Variants in GADL1 observed in about 807,000 individuals in gnomAD.
GADL1 encodes the protein acidic amino acid decarboxylase GADL1.
A neutral mutation model predicts 69.5 loss-of-function variants in GADL1; 71 were observed. The observed-to-expected ratio is 1.02, with a 90% CI of 0.84 to 1.25. The LOEUF is 1.25. Among genes scored for constraint, GADL1 ranks in the 50% most tolerant of loss-of-function variants. The pLI is 0.00. For missense variants in GADL1, 737 were observed against 631.8 expected, an observed-to-expected ratio of 1.17 and a Z score of -1.79; for synonymous variants, 254 against 214.4, an observed-to-expected ratio of 1.18 and a Z score of -1.62.
chr3:30,836,222 T>G (rs1697871307), intron 9 of GADL1, among the ~76,000 whole-genome samples: 1 of 151,982 alleles, frequency 6.6e-6, no homozygotes, highest in Non-Finnish European at 1.5e-5. Context: ...TACTCCTTCA[T>G]GCTCCCTGAG....
intron 12 of GADL1, among the ~76,000 whole-genome samples, chr3:30,793,302 C>A (rs1481907903): frequency 2.0e-5 from 3 of 152,094 alleles, no homozygotes; most frequent in Non-Finnish European, 4.4e-5. Flanking sequence ...TTTAAGTCAC[C>A]TCTGCTTATG....
chr3:30,861,378 G>A (rs978862044), intron 2 of GADL1, among the ~76,000 whole-genome samples: 7 of 151,640 alleles, frequency 4.6e-5, no homozygotes, highest in Admixed American at 2.6e-4. Context: ...ATCTTCCCAC[G>A]AATGATGACT....
At chr3:30,887,432 A>C (rs186094186) in intron 1 of GADL1, among the ~76,000 whole-genome samples, 1 of 152,238 alleles carries the variant, frequency 6.6e-6, no homozygotes, top group East Asian at 1.9e-4. Context: ...GCTTTATAAG[A>C]AGAGGAAAAG....
chr3:30,880,571 T>C (rs1265739041), intron 1 of GADL1, among the ~76,000 whole-genome samples: 1 of 151,978 alleles, frequency 6.6e-6, no homozygotes, highest in Non-Finnish European at 1.5e-5. Flanking sequence ...TCCCCAGCCA[T>C]GTGGAATTGT....
At chr3:30,772,051 T>C (rs2125492752) in intron 14 of GADL1, among the ~76,000 whole-genome samples, 1 of 152,290 alleles carries the variant, frequency 6.6e-6, no homozygotes, top group African/African-American at 2.4e-5. Context: ...CTACTCAGAT[T>C]ATGCAGTCTC....
chr3:30,779,704 A>C (rs1341229804), intron 13 of GADL1, among the ~76,000 whole-genome samples: 1 of 152,234 alleles, frequency 6.6e-6, no homozygotes, highest in African/African-American at 2.4e-5. Flanking sequence ...ACCTGACTAG[A>C]AAGTAGAAGA....
rs149214831 is a variant in GADL1, at chr3:30,742,186, T to C, written c.1393-13771A>G. Among the ~76,000 whole-genome samples the C allele has an allele frequency of 5.7e-3, 866 of 152,254 alleles. 14 individuals carry two copies. Among genetic ancestry groups the C allele is most frequent in the African/African-American group, 0.02 (839 of 41,556 alleles). On this transcript the variant is annotated intron_variant, in intron 14 of 14. Coordinates refer to ENST00000282538, the MANE Select transcript of GADL1 (RefSeq NM_207359.3). ...TCCCTCTGTGCTCTGTCAGAATTCC[T>C]GACACACAAAATCCATGAGCATAAT...
At position 30,864,059 on chromosome 3, in the gene GADL1, C is replaced by G. The variant is rs575816618; in HGVS notation, c.38-2294G>C. Among the ~76,000 whole-genome samples the G allele has an allele frequency of 3.3e-5, 5 of 152,088 alleles. No individual in the cohort carries two copies. The South Asian group carries it at 1.0e-3, about 32-fold the overall frequency. The stretch of plus-strand genomic sequence containing the variant: ...CTTTCACATGAAAGGAAACATTTAA[C>G]ATGGTTTAGGGCCAAATATTGAAAC... On this transcript the variant is annotated intron_variant, in intron 1 of 14. Transcript: ENST00000282538.
intron 11 of GADL1, among the ~76,000 whole-genome samples, chr3:30,815,514 G>C (rs1027549324): frequency 6.6e-6 from 1 of 152,172 alleles, no homozygotes; most frequent in Non-Finnish European, 1.5e-5. Context: ...TGCAAATCCT[G>C]GGGGAGAGTG....
At chr3:30,865,839 C>T (rs1239028276) in intron 1 of GADL1, among the ~76,000 whole-genome samples, 1 of 151,988 alleles carries the variant, frequency 6.6e-6, no homozygotes, top group Non-Finnish European at 1.5e-5. Flanking sequence ...ACCACAGGCT[C>T]ACTCCAGAAA....
intron 11 of GADL1, among the ~76,000 whole-genome samples, chr3:30,809,864 C>T (rs1353954323): frequency 6.6e-6 from 1 of 152,174 alleles, no homozygotes; most frequent in Non-Finnish European, 1.5e-5. Flanking sequence ...AGAAGGGTCT[C>T]TATGCATATT....
chr3:30,871,024 C>T (rs1174442053), intron 1 of GADL1, among the ~76,000 whole-genome samples: 1 of 146,228 alleles, frequency 6.8e-6, no homozygotes, highest in Non-Finnish European at 1.5e-5. Context: ...GAAAAAGCAA[C>T]ATGGACTAAG....
At chr3:30,802,004 C>T (rs1176047746) in intron 11 of GADL1, among the ~76,000 whole-genome samples, 1 of 152,174 alleles carries the variant, frequency 6.6e-6, no homozygotes, top group Admixed American at 6.5e-5. Context: ...TATTATGATA[C>T]TTGACACTTT....
intron 14 of GADL1, among the ~76,000 whole-genome samples, chr3:30,760,535 TTC>T (rs1696102647): frequency 6.6e-6 from 1 of 152,168 alleles, no homozygotes; most frequent in Non-Finnish European, 1.5e-5. Flanking sequence ...CAATATTTCC[TTC>T]TGTTTCCTCT....
intron 14 of GADL1, among the ~76,000 whole-genome samples, chr3:30,768,500 G>T (rs943818057): frequency 6.8e-6 from 1 of 146,552 alleles, no homozygotes; most frequent in African/African-American, 2.5e-5. Flanking sequence ...CAATTGAGGG[G>T]GAACAAGATA....
chr3:30,828,480 G>T (rs28445253), intron 11 of GADL1, among the ~76,000 whole-genome samples: 500 of 23,506 alleles, frequency 0.021, 6 homozygotes, highest in Middle Eastern at 0.094. Flanking sequence ...AAATAAAAGT[G>T]GGGGGGGTGC....
rs1156711128 is a variant in GADL1 at position 30,857,028 on chromosome 3, G to A, written c.324C>T (p.Tyr108=). The change falls in exon 3 of 15, where the codon TAC becomes TAT. Residue 108 remains tyrosine (Y), a synonymous_variant. Coordinates refer to ENST00000282538, the MANE Select transcript of GADL1 (RefSeq NM_207359.3). The part of the protein sequence containing the change: ...LLELCRDVIH[Y]SVKTNHPRFF... Reference sequence around the variant, plus strand: ...TAAAGTTCTTACTAGTTTTGACACTGTAGTGTATGACATCCCGACAGAGTT... The same window carrying A: ...TAAAGTTCTTACTAGTTTTGACACTATAGTGTATGACATCCCGACAGAGTT... 1 of 1,549,370 alleles carries A rather than the reference G, an allele frequency of 6.5e-7. No individual in the cohort carries two copies. Among genetic ancestry groups the A allele is most frequent in the Admixed American group, 2.0e-5 (1 of 50,950 alleles).
intron 3 of GADL1, among the ~76,000 whole-genome samples, chr3:30,855,412 TTTCA>T (rs780619724): frequency 6.6e-6 from 1 of 152,062 alleles, no homozygotes; most frequent in Non-Finnish European, 1.5e-5. Flanking sequence ...TTCATATACA[TTTCA>T]CTCACAGCAG....
chr3:30,792,594 C>T (rs909553625), intron 12 of GADL1, among the ~76,000 whole-genome samples: 4 of 152,008 alleles, frequency 2.6e-5, no homozygotes, highest in Non-Finnish European at 5.9e-5. Context: ...ACTATACTTG[C>T]CTTAATTCAT....
Sources: allele counts gnomAD v4.1 joint callset (sites outside exome capture counted in the v4.1 genomes callset), GRCh38; gene constraint gnomAD v4.1.1; transcripts MANE v1.5; gene names NCBI Gene and HGNC (gene_info 2026-07-23, HGNC 2026-07-21).